Variants in DPT observed in about 807,000 individuals in gnomAD.
The protein encoded by DPT is tyrosine-rich acidic matrix protein.
In DPT, 21 loss-of-function variants were observed where a neutral mutation model predicts 31.2. The ratio of observed to expected loss-of-function variants is 0.67; its 90% CI spans 0.48 to 0.97. The LOEUF (loss-of-function observed/expected upper bound fraction) is 0.97, where lower values mean the gene tolerates loss of function less well. Ranked by LOEUF, DPT falls within the 50% of genes least tolerant of loss-of-function variation. DPT has a pLI of 0.00. For missense variants in DPT, 262 were observed against 258.8 expected (o/e 1.01, Z -0.08); for synonymous variants, 91 against 86.9 (o/e 1.05, Z -0.26).
intron 1 of DPT, among the ~76,000 whole-genome samples, chr1:168,722,735 C>T (rs1057073319): frequency 3.9e-5 from 6 of 152,154 alleles, no homozygotes; most frequent in South Asian, 2.1e-4. Flanking sequence ...CTGAGTATTT[C>T]GGAGTTGAGA....
intron 1 of DPT, among the ~76,000 whole-genome samples, chr1:168,726,081 T>C (rs1003007395): frequency 2.0e-5 from 3 of 152,170 alleles, no homozygotes; most frequent in Admixed American, 6.5e-5. Context: ...CTGGATCTTA[T>C]TGTAAAGAAG....
intron 1 of DPT, among the ~76,000 whole-genome samples, chr1:168,722,057 G>A (rs1650127680): frequency 6.6e-6 from 1 of 152,122 alleles, no homozygotes; most frequent in African/African-American, 2.4e-5. Context: ...AAAAATACAG[G>A]CAGGAGAGGC....
At chr1:168,717,108 T>C (rs1650001824) in intron 1 of DPT, among the ~76,000 whole-genome samples, 1 of 152,254 alleles carries the variant, frequency 6.6e-6, no homozygotes, top group Non-Finnish European at 1.5e-5. Context: ...TTTCTTGTTC[T>C]AGATCCTTGA....
At chr1:168,711,071 C>T (rs192317986) in intron 2 of DPT, among the ~76,000 whole-genome samples, 77 of 150,794 alleles carry the variant, frequency 5.1e-4, no homozygotes, top group African/African-American at 1.6e-3. Context: ...AGTGCAGTGG[C>T]GTGATCTCGG....
intron 3 of DPT, among the ~76,000 whole-genome samples, chr1:168,699,600 A>C (rs74122748): frequency 7.1e-6 from 1 of 141,668 alleles, no homozygotes; most frequent in South Asian, 2.2e-4. Context: ...TTTTTTTTTT[A>C]AAAAAAAAAA....
At chr1:168,721,515 T>C (rs763188641) in intron 1 of DPT, among the ~76,000 whole-genome samples, 2 of 152,164 alleles carry the variant, frequency 1.3e-5, no homozygotes, top group Non-Finnish European at 2.9e-5. Context: ...CAGTAAATAT[T>C]GGAGCCTACA....
At chr1:168,725,969 T>C (rs1650234417) in intron 1 of DPT, among the ~76,000 whole-genome samples, 1 of 152,236 alleles carries the variant, frequency 6.6e-6, no homozygotes. Context: ...CCATAAGCAA[T>C]TTCTTTCCTT....
intron 2 of DPT, among the ~76,000 whole-genome samples, chr1:168,710,120 T>C (rs769482752): frequency 6.6e-6 from 1 of 152,210 alleles, no homozygotes; most frequent in Non-Finnish European, 1.5e-5. Context: ...ACATCATGAC[T>C]CAGGCAATTT....
chr1:168,725,872 G>T (rs1650231256), intron 1 of DPT, among the ~76,000 whole-genome samples: 1 of 152,124 alleles, frequency 6.6e-6, no homozygotes, highest in African/African-American at 2.4e-5. Flanking sequence ...GTTATACAAG[G>T]CAGCCCAACT....
intron 1 of DPT, among the ~76,000 whole-genome samples, chr1:168,722,267 T>C (rs1156906712): frequency 6.6e-6 from 1 of 152,222 alleles, no homozygotes; most frequent in Non-Finnish European, 1.5e-5. Context: ...GTAATAAATA[T>C]TCAAGACACT....
At chr1:168,728,833 T>C in intron 1 of DPT, 37 bp downstream of exon 1, 19 of 1,602,064 alleles carry the variant, frequency 1.2e-5, no homozygotes, top group Non-Finnish European at 1.6e-5. Context: ...TGCAGAGATG[T>C]TCCCAGCCCC....
intron 2 of DPT, among the ~76,000 whole-genome samples, chr1:168,711,828 C>T (rs536804258): frequency 6.2e-4 from 95 of 152,282 alleles, no homozygotes; most frequent in African/African-American, 2.2e-3. Context: ...ATTTAATGCT[C>T]ATAACAAAAA....
intron 3 of DPT, among the ~76,000 whole-genome samples, chr1:168,700,724 T>A (rs1649574816): frequency 6.6e-6 from 1 of 152,162 alleles, no homozygotes; most frequent in Admixed American, 6.5e-5. Flanking sequence ...GGTGAGCAGC[T>A]CCATGAGGTG....
intron 2 of DPT, among the ~76,000 whole-genome samples, chr1:168,704,804 G>A (rs780577754): frequency 1.3e-5 from 2 of 152,204 alleles, no homozygotes; most frequent in Admixed American, 6.5e-5. Flanking sequence ...CTTATGAGCT[G>A]AGGGAAATCA....
intron 1 of DPT, among the ~76,000 whole-genome samples, chr1:168,723,175 T>C (rs1316285279): frequency 6.6e-6 from 1 of 152,244 alleles, no homozygotes. Context: ...ATATCTTTTT[T>C]AGGTCAGCAC....
intron 3 of DPT, among the ~76,000 whole-genome samples, chr1:168,697,785 A>G (rs913142140): frequency 7.2e-5 from 11 of 152,190 alleles, no homozygotes; most frequent in African/African-American, 1.2e-4. Context: ...CCAGGCTCAG[A>G]GAAATAATTA....
Position 168,714,275 on chromosome 1 carries a change from C to A in DPT, c.377G>T (p.Arg126Leu). ...GCGACAACAGTAAAACTGCCACTCCCGATCCAGCACTGACTCGAAGTAGCG... is the reference window on the plus strand; with the variant it reads ...GCGACAACAGTAAAACTGCCACTCCAGATCCAGCACTGACTCGAAGTAGCG... ...QSRYFESVLD[R>L]EWQFYCCRYS... is the part of the protein sequence containing the mutation. The change falls in exon 2 of 4, where the codon CGG becomes CTG. Residue 126 changes from arginine (R) to leucine (L), a missense_variant. Arg to Leu is a moderately radical substitution (Grantham distance 102). Transcript: ENST00000367817. The A allele has an allele frequency of 1.2e-6, 2 of 1,614,054 alleles. No homozygotes were observed. Among genetic ancestry groups the A allele is most frequent in the Middle Eastern group, 1.6e-4 (1 of 6,062 alleles).
chr1:168,700,003 C>A (rs988687929), intron 3 of DPT, among the ~76,000 whole-genome samples: 2 of 152,052 alleles, frequency 1.3e-5, no homozygotes, highest in African/African-American at 4.8e-5. Flanking sequence ...CATTTAAATT[C>A]TCTTCTTTCA....
intron 2 of DPT, among the ~76,000 whole-genome samples, chr1:168,705,219 T>C (rs1368617416): frequency 6.6e-6 from 1 of 152,248 alleles, no homozygotes; most frequent in South Asian, 2.1e-4. Context: ...TATTCGGAGC[T>C]AGACACTTTT....
Sources: allele counts gnomAD v4.1 joint callset (sites outside exome capture counted in the v4.1 genomes callset), GRCh38; gene constraint gnomAD v4.1.1; transcripts MANE v1.5; gene names NCBI Gene and HGNC (gene_info 2026-07-23, HGNC 2026-07-21).